TUT4: variants seen among roughly 807,000 people sequenced by gnomAD.
TUT4 encodes the protein terminal uridylyltransferase 4.
In TUT4, 36 loss-of-function variants were observed where a neutral mutation model predicts 192.2. The observed-to-expected ratio is 0.19, with a 90% CI of 0.14 to 0.25. TUT4 has a LOEUF of 0.25. TUT4 is among the 10% of genes least tolerant of loss of function. The pLI, the probability that TUT4 is intolerant of heterozygous loss-of-function variation, is 1.00. For synonymous variants in TUT4, 618 were observed against 666.0 expected (o/e 0.93, Z 1.11); for missense variants, 1,493 against 1,957.2 (o/e 0.76, Z 4.47).
intron 1 of TUT4, among the ~76,000 whole-genome samples, chr1:52,531,144 T>A (rs1683281335): frequency 6.6e-6 from 1 of 152,190 alleles, no homozygotes; most frequent in Admixed American, 6.5e-5. Context: ...TTGGTTACAT[T>A]TTTAGAATGT....
intron 2 of TUT4, among the ~76,000 whole-genome samples, chr1:52,516,510 CT>C (rs1678750434): frequency 6.6e-6 from 1 of 152,196 alleles, no homozygotes; most frequent in African/African-American, 2.4e-5. Flanking sequence ...TTCTTCTTTC[CT>C]TCCACAGAAC....
At chr1:52,494,657 A>C (rs537323075) in intron 6 of TUT4, among the ~76,000 whole-genome samples, 1 of 152,312 alleles carries the variant, frequency 6.6e-6, no homozygotes, top group African/African-American at 2.4e-5. Context: ...GCATCACTGC[A>C]CTCCAGCCTG....
intron 2 of TUT4, 30 bp downstream of exon 2, chr1:52,525,533 A>G (rs532010040): frequency 3.2e-6 from 5 of 1,581,738 alleles, no homozygotes; most frequent in African/African-American, 2.7e-5. Context: ...GAACATTAAT[A>G]TACAAAAATC....
rs908687717 is a variant in TUT4, at chr1:52,440,433, GTTTTT to G, written c.3823-2103_3823-2099del. ...GCATGAGCCACCATGCCCATCCTGT[GTTTTT>G]TTTTTTTTTTTTTTTTTAAAGACAA... On this transcript the variant is annotated intron_variant, in intron 24 of 29. Coordinates refer to ENST00000257177, the MANE Select transcript of TUT4 (RefSeq NM_001009881.3). Among the ~76,000 whole-genome samples the G allele has an allele frequency of 9.1e-5, 10 of 110,162 alleles. No homozygotes were observed. In the South Asian group the frequency reaches 1.8e-3, roughly 20 times the overall value. The allele number at this position is 110,162 out of a possible 152,430, so 72.3% of individuals were successfully genotyped here.
At position 52,522,647 on chromosome 1, in the gene TUT4, C is replaced by T. The variant is rs141028781; in HGVS notation, c.718+2916G>A. On this transcript the variant is annotated intron_variant, in intron 2 of 29. Transcript: ENST00000257177. ...GACTTTAAAAGAAAATAATCTTTGG[C>T]CAGGGCAGTGGCTCATGCCTGTAAT... Among the ~76,000 whole-genome samples the T allele has an allele frequency of 2.5e-3, 383 of 152,266 alleles. 3 individuals are homozygous for T. The highest frequency in any genetic ancestry group is 8.9e-3 in the African/African-American group (371 of 41,564).
intron 2 of TUT4, among the ~76,000 whole-genome samples, chr1:52,518,129 C>T (rs990351893): frequency 1.3e-5 from 2 of 152,182 alleles, no homozygotes; most frequent in Admixed American, 1.3e-4. Context: ...TGTATCCACA[C>T]AAATACTTGT....
intron 20 of TUT4, among the ~76,000 whole-genome samples, chr1:52,447,209 G>A (rs1322554069): frequency 6.6e-6 from 1 of 152,060 alleles, no homozygotes; most frequent in Non-Finnish European, 1.5e-5. Context: ...CAGCACTTTG[G>A]GAGGCCGAGA....
intron 7 of TUT4, among the ~76,000 whole-genome samples, chr1:52,492,955 T>C (rs1671545195): frequency 6.6e-6 from 1 of 152,240 alleles, no homozygotes; most frequent in African/African-American, 2.4e-5. Context: ...CTCTCCTTAA[T>C]CTTCTTTCAG....
At chr1:52,462,715 A>G in intron 16 of TUT4, 1 of 983,932 alleles carries the variant, frequency 1.0e-6, no homozygotes, top group Non-Finnish European at 1.2e-6. Context: ...TATGGAAAAG[A>G]AAGATACTCC....
chr1:52,430,035 T>TA (rs1187908856), intron 28 of TUT4, among the ~76,000 whole-genome samples: 1 of 152,328 alleles, frequency 6.6e-6, no homozygotes, highest in East Asian at 1.9e-4. Context: ...AGTTTTTTTT[T>TA]AATGACTGAA....
chr1:52,482,681 C>T (rs545892186), intron 9 of TUT4, among the ~76,000 whole-genome samples: 17 of 152,256 alleles, frequency 1.1e-4, no homozygotes, highest in African/African-American at 3.6e-4. Flanking sequence ...AAGATCTCCC[C>T]GCTCGGCCTC....
At position 52,447,961 on chromosome 1, in the gene TUT4, C is replaced by T. The variant is rs546390745; in HGVS notation, c.3436-1294G>A. ...ATCCACTAGTTAAGGTGGGCCTGGG[C>T]CCAATGGCCATTTCCATTTTTGATG... On this transcript the variant is annotated intron_variant, in intron 20 of 29. Transcript: ENST00000257177. Among the ~76,000 whole-genome samples, 9 of 152,286 alleles carry T rather than the reference C, an allele frequency of 5.9e-5. No homozygotes were observed. The South Asian group carries it at 1.7e-3, about 28-fold the overall frequency.
At chr1:52,513,866 T>G (rs1196060947) in intron 3 of TUT4, among the ~76,000 whole-genome samples, 1 of 152,182 alleles carries the variant, frequency 6.6e-6, no homozygotes, top group Non-Finnish European at 1.5e-5. Flanking sequence ...CACTCAATAT[T>G]TATTCTGACA....
At chr1:52,526,520 C>T (rs1681800210) in intron 1 of TUT4, 147 bp from the exon 2 acceptor site, 2 of 276,098 alleles carry the variant, frequency 7.2e-6, no homozygotes, top group Non-Finnish European at 1.3e-5. Flanking sequence ...ACTCAGAAAA[C>T]TATATGAGAA....
At position 52,525,828 on chromosome 1, in the gene TUT4, T is replaced by C. The variant is rs745702306; in HGVS notation, c.453A>G (p.Glu151=). 2 of 1,614,104 alleles carry C rather than the reference T, an allele frequency of 1.2e-6. No individual in the cohort carries two copies. Among genetic ancestry groups the C allele is most frequent in the African/African-American group, 2.7e-5 (2 of 74,950 alleles). Residue 151 remains glutamate, a synonymous_variant, in exon 2 of 30, where the codon GAA becomes GAG. Coordinates refer to ENST00000257177, the MANE Select transcript of TUT4 (RefSeq NM_001009881.3). ...CTTCTGCTGGTGAACTTGGTACTTT[T>C]TCTGACTTCATCTGATAACTGGATG... is the stretch of plus-strand genomic sequence containing the variant. ...EKASSYQMKS[E]KVPSSPAEAE... is the part of the protein sequence containing the mutation.
At chr1:52,459,384 T>C (rs573408605) in intron 19 of TUT4, among the ~76,000 whole-genome samples, 1 of 147,402 alleles carries the variant, frequency 6.8e-6, no homozygotes, top group East Asian at 2.0e-4. Context: ...AGCCCAAGAG[T>C]TCAAGACCAG....
chr1:52,455,368 A>G (rs1381555648), intron 20 of TUT4, among the ~76,000 whole-genome samples: 1 of 151,920 alleles, frequency 6.6e-6, no homozygotes, highest in Non-Finnish European at 1.5e-5. Context: ...TAATCTCAAC[A>G]CTTTGAGAGG....
chr1:52,511,576 A>G (rs1677170498), intron 3 of TUT4, among the ~76,000 whole-genome samples: 1 of 152,168 alleles, frequency 6.6e-6, no homozygotes, highest in Non-Finnish European at 1.5e-5. Context: ...GACCTTATTG[A>G]TAAAGTAACT....
chr1:52,444,361 C>T (rs922918630), intron 24 of TUT4, among the ~76,000 whole-genome samples: 1 of 152,066 alleles, frequency 6.6e-6, no homozygotes, highest in African/African-American at 2.4e-5. Flanking sequence ...CCATAAGAGG[C>T]TAGAAAATAA....
Sources: allele counts gnomAD v4.1 joint callset (sites outside exome capture counted in the v4.1 genomes callset), GRCh38; gene constraint gnomAD v4.1.1; transcripts MANE v1.5; gene names NCBI Gene and HGNC (gene_info 2026-07-23, HGNC 2026-07-21).